CCDC126: variants seen among roughly 807,000 people sequenced by gnomAD.
CCDC126 encodes coiled-coil domain containing 126.
A neutral mutation model predicts 11.7 loss-of-function variants in CCDC126; 5 were observed. The observed-to-expected ratio is 0.43, with a 90% confidence interval of 0.22 to 0.90. The LOEUF (loss-of-function observed/expected upper bound fraction) is 0.90, where lower values mean the gene tolerates loss of function less well. CCDC126 is among the 40% of genes least tolerant of loss of function. The probability of loss-of-function intolerance (pLI) is 0.27; values close to 1 mark genes in which losing one functional copy is unlikely to be tolerated. For synonymous variants in CCDC126, 60 were observed against 61.9 expected (o/e 0.97, Z 0.14); for missense variants, 150 against 163.1 (o/e 0.92, Z 0.44).
In CCDC126 at chr7:23,643,142, C is replaced by T. The variant is rs762975681; in HGVS notation, c.*27C>T. 3 of 1,596,572 alleles carry T rather than the reference C, an allele frequency of 1.9e-6. No individual in the cohort carries two copies. The highest frequency in any genetic ancestry group is 2.6e-6 in the Non-Finnish European group (3 of 1,167,752). The stretch of plus-strand genomic sequence containing the variant: ...AGTTGAAAATCACCTTGTGCTGCTC[C>T]ATCCACTGTGGATTATATCCTATGG... On this transcript the variant is annotated 3_prime_UTR_variant, in exon 4 of 4. Coordinates refer to ENST00000307471, the MANE Select transcript of CCDC126 (RefSeq NM_138771.4).
At chr7:23,628,765 G>C (rs1258308138) in intron 3 of CCDC126, among the ~76,000 whole-genome samples, 1 of 152,180 alleles carries the variant, frequency 6.6e-6, no homozygotes, top group Non-Finnish European at 1.5e-5. Context: ...CTTCCCTCTG[G>C]TGTGATGTCA....
chr7:23,633,400 C>T (rs1783149239), intron 3 of CCDC126, among the ~76,000 whole-genome samples: 1 of 152,124 alleles, frequency 6.6e-6, no homozygotes, highest in Non-Finnish European at 1.5e-5. Flanking sequence ...AAAGATTAAA[C>T]AATGAATGTA....
intron 3 of CCDC126, among the ~76,000 whole-genome samples, chr7:23,614,318 G>T (rs1782762314): frequency 6.6e-6 from 1 of 152,096 alleles, no homozygotes; most frequent in South Asian, 2.1e-4. Context: ...TACTTTCTTT[G>T]CTCTTCCGTA....
In CCDC126 at chr7:23,643,084, A is replaced by G. The variant is rs373956167; in HGVS notation, c.392A>G (p.Lys131Arg). ...SGNLVPVTTN[K>R]RTNVSGSIR Reference sequence around the variant, plus strand: ...AATTTGGTGCCAGTAACCACAAATAAAAGAACGAATGTCTCGGGCAGTATC... The same window carrying G: ...AATTTGGTGCCAGTAACCACAAATAGAAGAACGAATGTCTCGGGCAGTATC... The change falls in exon 4 of 4, where the codon AAA becomes AGA. Residue 131 changes from lysine to arginine, a missense_variant. By Grantham distance (26) the Lys-to-Arg change is conservative. Transcript: ENST00000307471. The G allele has an allele frequency of 5.6e-6, 9 of 1,614,190 alleles. No individual in the cohort carries two copies. The African/African-American group carries it at 9.3e-5, about 17-fold the overall frequency.
At chr7:23,622,875 G>T (rs1782942463) in intron 3 of CCDC126, 2 of 379,694 alleles carry the variant, frequency 5.3e-6, no homozygotes, top group East Asian at 6.5e-5. Context: ...ATGTTCTCTT[G>T]TTGCGAGTTC....
intron 3 of CCDC126, among the ~76,000 whole-genome samples, chr7:23,627,444 G>T (rs377603834): frequency 6.6e-6 from 1 of 151,916 alleles, no homozygotes; most frequent in East Asian, 1.9e-4. Context: ...GCAGGCACCC[G>T]TAGTCCCAGC....
chr7:23,602,530 A>G (rs975156301), intron 2 of CCDC126, among the ~76,000 whole-genome samples: 4 of 152,154 alleles, frequency 2.6e-5, no homozygotes, highest in Non-Finnish European at 5.9e-5. Context: ...CCTTCTGTTC[A>G]GTTTGTATGA....
chr7:23,597,914 G>A (rs1300187476), intron 1 of CCDC126, 53 bp from the exon 2 acceptor site: 1 of 152,254 alleles, frequency 6.6e-6, no homozygotes, highest in Non-Finnish European at 1.5e-5. Context: ...CCGGAGCTGC[G>A]GGATGTAGAT....
chr7:23,623,436 A>AGG (rs1331102972), intron 3 of CCDC126, among the ~76,000 whole-genome samples: 1 of 152,054 alleles, frequency 6.6e-6, no homozygotes, highest in Non-Finnish European at 1.5e-5. Context: ...ATCTGTACTA[A>AGG]GAATACAAAG....
chr7:23,605,696 T>C (rs1476704853), intron 2 of CCDC126, among the ~76,000 whole-genome samples: 2 of 152,230 alleles, frequency 1.3e-5, no homozygotes, highest in African/African-American at 2.4e-5. Flanking sequence ...TACCACATTT[T>C]ATTTATCTGT....
intron 3 of CCDC126, among the ~76,000 whole-genome samples, chr7:23,618,793 G>T (rs1440845128): frequency 6.6e-6 from 1 of 151,954 alleles, no homozygotes; most frequent in African/African-American, 2.4e-5. Context: ...GACCTCATGT[G>T]ATCCACCTGC....
At chr7:23,634,047 T>G (rs1171729673) in intron 3 of CCDC126, among the ~76,000 whole-genome samples, 1 of 152,214 alleles carries the variant, frequency 6.6e-6, no homozygotes, top group Non-Finnish European at 1.5e-5. Context: ...TTATTCCTTC[T>G]GTGTGTACAT....
chr7:23,642,787 T>A, intron 3 of CCDC126, 144 bp from the exon 4 acceptor site: 1 of 617,106 alleles, frequency 1.6e-6, no homozygotes, highest in Non-Finnish European at 2.7e-6. Context: ...ATTAGGCTTT[T>A]CCTATTTGTA....
rs1233875135 is a variant in CCDC126, at chr7:23,636,283, C to T, written c.239-6648C>T. Among the ~76,000 whole-genome samples the T allele has an allele frequency of 1.8e-4, 28 of 152,174 alleles. 1 individual carries two copies. Among genetic ancestry groups the T allele is most frequent in the African/African-American group, 4.3e-4 (18 of 41,534 alleles). On this transcript the variant is annotated intron_variant, in intron 3 of 3. Coordinates refer to ENST00000307471, the MANE Select transcript of CCDC126 (RefSeq NM_138771.4). ...ATTGCAGCCTCTGCCCAGCCGCCAC[C>T]CCGTCTGGGAAGTGAGGAGCGTCTC...
intron 3 of CCDC126, among the ~76,000 whole-genome samples, chr7:23,631,501 T>A (rs1421398525): frequency 6.6e-6 from 1 of 152,212 alleles, no homozygotes; most frequent in Non-Finnish European, 1.5e-5. Flanking sequence ...GTGCGGTGGC[T>A]CACGTCTGTA....
In CCDC126 at chr7:23,597,441, A is replaced by G. The variant is rs1403044984; in HGVS notation, c.-395A>G. 6.6e-6 allele frequency: 1 copy of G among 152,302 alleles called. No individual in the cohort carries two copies. The highest frequency in any genetic ancestry group is 1.5e-5 in the Non-Finnish European group (1 of 68,128). The allele number at this position is 152,302 out of a possible 1,614,324, so 9.4% of individuals were successfully genotyped here. A position where few individuals can be genotyped will look rare whatever the true frequency, so the allele number is the denominator to read the frequency against. On this transcript the variant is annotated 5_prime_UTR_variant, in exon 1 of 4. Coordinates refer to ENST00000307471, the MANE Select transcript of CCDC126 (RefSeq NM_138771.4). Reference sequence around the variant, plus strand: ...GGAGTAAAATCTCCACAAGCTGGGAACAAACCTCGTCCCAACTCCCACCCA... The same window carrying G: ...GGAGTAAAATCTCCACAAGCTGGGAGCAAACCTCGTCCCAACTCCCACCCA...
At chr7:23,612,620 C>T (rs1239315973) in intron 3 of CCDC126, among the ~76,000 whole-genome samples, 1 of 151,804 alleles carries the variant, frequency 6.6e-6, no homozygotes, top group Admixed American at 6.6e-5. Context: ...ATACAGTGAG[C>T]CATGTCTGCA....
chr7:23,614,578 T>G (rs1782766126), intron 3 of CCDC126, among the ~76,000 whole-genome samples: 1 of 152,192 alleles, frequency 6.6e-6, no homozygotes, highest in Non-Finnish European at 1.5e-5. Context: ...TCCAGAAGGC[T>G]TTCAGTTTAC....
At chr7:23,630,623 G>A (rs1018509808) in intron 3 of CCDC126, among the ~76,000 whole-genome samples, 1 of 150,812 alleles carries the variant, frequency 6.6e-6, no homozygotes, top group African/African-American at 2.4e-5. Context: ...GGAGTCTGAG[G>A]TGGGAGGATC....
Sources: gnomAD v4.1 joint callset for allele counts (sites outside exome capture counted in the v4.1 genomes callset) on GRCh38, gnomAD v4.1.1 for gene constraint, MANE v1.5 for transcripts, NCBI Gene and HGNC (gene_info 2026-07-23, HGNC 2026-07-21) for gene names.